TFDP1: variants seen among roughly 807,000 people sequenced by gnomAD.
TFDP1 encodes DRTF1-polypeptide 1.
A neutral mutation model predicts 48.0 loss-of-function variants in TFDP1; 6 were observed. The observed-to-expected ratio is 0.13, with a 90% CI of 0.07 to 0.25. TFDP1 has a LOEUF of 0.25. TFDP1 is among the 10% of genes least tolerant of loss of function. The pLI is 1.00. For missense variants in TFDP1, 335 were observed against 543.0 expected (o/e 0.62, Z 3.81); for synonymous variants, 201 against 211.6 (o/e 0.95, Z 0.44).
At chr13:113,613,002 G>A (rs1012373844) in intron 3 of TFDP1, among the ~76,000 whole-genome samples, 2 of 139,916 alleles carry the variant, frequency 1.4e-5, no homozygotes, top group South Asian at 2.3e-4. Flanking sequence ...TGATTCCACC[G>A]CACAGACGGT....
chr13:113,615,777 G>A (rs1249986928), intron 3 of TFDP1, among the ~76,000 whole-genome samples: 1 of 152,248 alleles, frequency 6.6e-6, no homozygotes, highest in African/African-American at 2.4e-5. Flanking sequence ...GCATGGTGGC[G>A]CATGTCTATA....
intron 2 of TFDP1, among the ~76,000 whole-genome samples, chr13:113,610,704 C>T (rs1243517726): frequency 6.6e-6 from 1 of 152,230 alleles, no homozygotes; most frequent in East Asian, 1.9e-4. Flanking sequence ...CTATTGTGAA[C>T]ATTTTCCTCA....
rs2048142093 is a variant in TFDP1, at chr13:113,591,355, AAG to A, written c.12+5508_12+5509del. Among the ~76,000 whole-genome samples, 6 of 152,202 alleles carry A rather than the reference AAG, an allele frequency of 3.9e-5. No individual in the cohort carries two copies. The South Asian group carries it at 1.2e-3, about 32-fold the overall frequency. Reference sequence around the variant, plus strand: ...AGACTTCATCTCAAAAAAAAAAAAAAAGAAAAAAGTTTTGCCCCTAAAACATG... The same window carrying A: ...AGACTTCATCTCAAAAAAAAAAAAAAAAAAAAGTTTTGCCCCTAAAACATG... On this transcript the variant is annotated intron_variant, in intron 2 of 11. Coordinates refer to ENST00000375370, the MANE Select transcript of TFDP1 (RefSeq NM_007111.5).
intron 11 of TFDP1, among the ~76,000 whole-genome samples, chr13:113,638,184 G>A (rs1016655167): frequency 5.9e-5 from 9 of 152,124 alleles, no homozygotes; most frequent in Non-Finnish European, 1.0e-4. Context: ...TCCTGTCCCC[G>A]GCAGCCCAAG....
At chr13:113,594,095 G>A (rs2048221379) in intron 2 of TFDP1, among the ~76,000 whole-genome samples, 1 of 141,560 alleles carries the variant, frequency 7.1e-6, no homozygotes, top group Non-Finnish European at 1.5e-5. Flanking sequence ...CAGGTGACAG[G>A]TGTGGTGTAC....
chr13:113,630,676 T>C (rs1041888186), intron 4 of TFDP1, among the ~76,000 whole-genome samples: 1 of 152,258 alleles, frequency 6.6e-6, no homozygotes, highest in African/African-American at 2.4e-5. Context: ...GTTTCCAGTT[T>C]AGATAGAGTC....
At chr13:113,593,749 C>T (rs571723555) in intron 2 of TFDP1, among the ~76,000 whole-genome samples, 3,230 of 114,366 alleles carry the variant, frequency 0.028, 106 homozygotes, top group African/African-American at 0.098. Context: ...GTGTGGTGTG[C>T]GCGGGTCCTC....
In TFDP1 at chr13:113,631,660, C is replaced by A. The variant is rs757418338; in HGVS notation, c.224C>A (p.Thr75Asn). Reference protein sequence around the residue: ...GTPQRPAASNTLVVGSPHTPS... With the variant: ...GTPQRPAASNNLVVGSPHTPS... Reference sequence around the variant, plus strand: ...CCTCAGAGACCGGCAGCGTCAAACACCCTGGTGGTAGGAAGCCCACACACC... The same window carrying A: ...CCTCAGAGACCGGCAGCGTCAAACAACCTGGTGGTAGGAAGCCCACACACC... The change falls in exon 5 of 12, where the codon ACC (threonine) becomes AAC (asparagine). Residue 75 changes from threonine (T) to asparagine (N), a missense_variant. Thr to Asn is a moderately conservative substitution (Grantham distance 65, BLOSUM62 0). This residue lies in a region of TFDP1 where 103 missense variants were observed against 140.4 expected (regional missense o/e 0.73). Coordinates refer to ENST00000375370, the MANE Select transcript of TFDP1 (RefSeq NM_007111.5). 2.5e-6 allele frequency: 4 copies of A among 1,614,158 alleles called. No individual in the cohort carries two copies. The highest frequency in any genetic ancestry group is 3.4e-6 in the Non-Finnish European group (4 of 1,180,006).
rs962156392 is a variant in TFDP1 at position 113,627,340 on chromosome 13, T to C, written c.186+4054T>C. ...GAACGTGTGCGGGACAGAGGACATA[T>C]GTGCTCAGCCGGCAGGAGCAGCGGC... On this transcript the variant is annotated intron_variant, in intron 4 of 11. Coordinates refer to ENST00000375370, the MANE Select transcript of TFDP1 (RefSeq NM_007111.5). This position sits in a 1 kb window ranked among gnomAD's most constrained non-coding sequence, Gnocchi z 4.1. 3.3e-4 allele frequency among the ~76,000 whole-genome samples: 50 copies of C among 152,120 alleles called. No homozygotes were observed. The highest frequency in any genetic ancestry group is 1.2e-3 in the African/African-American group (49 of 41,422).
At chr13:113,608,019 G>A (rs2140378627) in intron 2 of TFDP1, among the ~76,000 whole-genome samples, 1 of 152,324 alleles carries the variant, frequency 6.6e-6, no homozygotes, top group East Asian at 1.9e-4. Flanking sequence ...ACAGACACGA[G>A]CGTCACAGTG....
intron 2 of TFDP1, among the ~76,000 whole-genome samples, chr13:113,587,527 C>T (rs550405333): frequency 6.7e-6 from 1 of 148,382 alleles, no homozygotes; most frequent in East Asian, 2.0e-4. Flanking sequence ...CTCTGTCTCC[C>T]AAGCTGGAGT....
chr13:113,609,015 A>T (rs1360908964), intron 2 of TFDP1, among the ~76,000 whole-genome samples: 7 of 152,236 alleles, frequency 4.6e-5, no homozygotes, highest in Non-Finnish European at 1.5e-5. Context: ...GCCAGCACAG[A>T]GCCACGCATG....
intron 10 of TFDP1, chr13:113,637,347 C>CT (rs2049518354): frequency 3.0e-6 from 1 of 332,990 alleles, no homozygotes; most frequent in African/African-American, 2.2e-5. Flanking sequence ...TCCCTGAGCT[C>CT]TTAGACTGCC....
At chr13:113,624,531 T>C (rs2049075501) in intron 4 of TFDP1, among the ~76,000 whole-genome samples, 1 of 148,394 alleles carries the variant, frequency 6.7e-6, no homozygotes, top group African/African-American at 2.5e-5. Context: ...TGTCCTCAGG[T>C]GTCTCTCAGG....
chr13:113,626,059 A>G (rs35135901), intron 4 of TFDP1, among the ~76,000 whole-genome samples: 677 of 48,490 alleles, frequency 0.014, 1 homozygote, highest in African/African-American at 0.02. Context: ...TGTCTCTCAC[A>G]TGTCCTCAGG....
intron 2 of TFDP1, among the ~76,000 whole-genome samples, chr13:113,590,036 C>T (rs1213583739): frequency 6.6e-6 from 1 of 152,242 alleles, no homozygotes; most frequent in African/African-American, 2.4e-5. Context: ...CGGGATGTAG[C>T]CCGTGTGGGG....
At chr13:113,611,389 GT>G (rs1312530160) in intron 3 of TFDP1, among the ~76,000 whole-genome samples, 1 of 152,272 alleles carries the variant, frequency 6.6e-6, no homozygotes, top group Non-Finnish European at 1.5e-5. Context: ...CAGCTGTGGT[GT>G]GGGCTCTTCC....
chr13:113,586,769 T>C (rs2048015433), intron 2 of TFDP1, among the ~76,000 whole-genome samples: 1 of 152,184 alleles, frequency 6.6e-6, no homozygotes, highest in African/African-American at 2.4e-5. Flanking sequence ...CGACCAGGCA[T>C]GTCACACGGC....
chr13:113,593,891 G>C (rs2048214263), intron 2 of TFDP1, among the ~76,000 whole-genome samples: 1 of 147,440 alleles, frequency 6.8e-6, no homozygotes, highest in Non-Finnish European at 1.5e-5. Context: ...GCCCTGTCCA[G>C]GTGACAGGTG....
Sources: allele counts gnomAD v4.1 joint callset (sites outside exome capture counted in the v4.1 genomes callset), GRCh38; gene constraint gnomAD v4.1.1; regional missense constraint gnomAD v4.1.1; non-coding constraint Gnocchi (gnomAD v3.1); transcripts MANE v1.5; gene names NCBI Gene and HGNC (gene_info 2026-07-23, HGNC 2026-07-21).